The following MUC17 variants were observed in gnomAD, a reference collection of about 807,000 sequenced individuals.
MUC17 encodes mucin-17.
A neutral mutation model predicts 170.3 loss-of-function variants in MUC17; 190 were observed. That is an observed-to-expected ratio of 1.12 (90% CI 0.99 to 1.26). The LOEUF is 1.26. Ranked by LOEUF, MUC17 falls within the 50% of genes most tolerant of loss-of-function variation. The pLI is 0.00. For missense variants in MUC17, 6,415 were observed against 5,530.0 expected (o/e 1.16, Z -5.08); for synonymous variants, 2,325 against 2,002.5 (o/e 1.16, Z -4.30).
At chr7:101,048,208 G>C (rs1304065419) in intron 4 of MUC17, 93 bp downstream of exon 4, 2 of 1,274,118 alleles carry the variant, frequency 1.6e-6, no homozygotes, top group Non-Finnish European at 2.1e-6. Flanking sequence ...TGTGAGGCCA[G>C]GAATAGGGCC....
rs747277893 is a variant in MUC17, at chr7:101,043,158, A to C, written c.11742A>C (p.Ser3914=). 1.2e-6 allele frequency: 2 copies of C among 1,613,992 alleles called. No individual in the cohort carries two copies. The highest frequency in any genetic ancestry group is 1.7e-6 in the Non-Finnish European group (2 of 1,180,010). ...TTFTPSTDTA[S]TPTIPVATTI... is the part of the protein sequence containing the mutation. ...TTACCCCTTCTACTGACACTGCCTC[A>C]ACTCCCACAATTCCTGTAGCCACCA... The change falls in exon 3 of 13, where the codon TCA becomes TCC. Residue 3914 remains serine (S), a synonymous_variant. Coordinates refer to ENST00000306151, the MANE Select transcript of MUC17 (RefSeq NM_001040105.2).
Position 101,050,563 on chromosome 7 carries a change from G to A in MUC17, c.12802G>A (p.Ala4268Thr). 6.2e-7 allele frequency: 1 copy of A among 1,614,180 alleles called. No individual in the cohort carries two copies. The highest frequency in any genetic ancestry group is 8.5e-7 in the Non-Finnish European group (1 of 1,180,024). The change falls in exon 7 of 13, where the codon GCC (alanine) becomes ACC (threonine). Residue 4268 changes from alanine (A) to threonine (T), a missense_variant. Physicochemically the swap from Ala to Thr is moderately conservative, Grantham distance 58 (BLOSUM62 0). Transcript: ENST00000306151. The stretch of plus-strand genomic sequence containing the variant: ...AGAATACAAGACAGTATTGGACAAT[G>A]CCACCGAAGTAGTGAAAGAGAAAAT... ...TPEYKTVLDN[A>T]TEVVKEKITK...
Position 101,035,430 on chromosome 7 carries a change from T to G in MUC17, c.4014T>G (p.Pro1338=), listed in dbSNP as rs575189452. ...CAACTTATAGTGAAGGAAGAACTCC[T>G]TTAACAAGTATACCTGTCAACACCA... ...PTSTYSEGRT[P]LTSIPVNTTL... Residue 1338 remains proline, a synonymous_variant, in exon 3 of 13, where the codon CCT becomes CCG. Transcript: ENST00000306151. 3 of 1,601,236 alleles carry G rather than the reference T, an allele frequency of 1.9e-6. No individual in the cohort carries two copies. Among genetic ancestry groups the G allele is most frequent in the Non-Finnish European group, 2.6e-6 (3 of 1,172,390 alleles).
chr7:101,057,590 A>G (rs1795069980), intron 12 of MUC17, among the ~76,000 whole-genome samples: 1 of 152,150 alleles, frequency 6.6e-6, no homozygotes, highest in Non-Finnish European at 1.5e-5. Flanking sequence ...AAAAGAAATA[A>G]TAATCATAGC....
In MUC17 at chr7:101,036,214, T is replaced by G. The variant is rs553712832; in HGVS notation, c.4798T>G (p.Ser1600Ala). 1 of 1,613,362 alleles carries G rather than the reference T, an allele frequency of 6.2e-7. No individual in the cohort carries two copies. Among genetic ancestry groups the G allele is most frequent in the South Asian group, 1.1e-5 (1 of 91,052 alleles). The part of the protein sequence containing the change: ...ANTLSTTPID[S>A]KTQVTASTEA... ...CACCCTTTCAACAACCCCTATTGAC[T>G]CCAAAACTCAGGTGACCGCTTCTAC... is the stretch of plus-strand genomic sequence containing the variant. The change falls in exon 3 of 13, where the codon TCC becomes GCC. Residue 1600 changes from serine to alanine, a missense_variant. Physicochemically the swap from Ser to Ala is moderately conservative, Grantham distance 99. Transcript: ENST00000306151.
At chr7:101,052,044 C>T in intron 9 of MUC17, 82 bp downstream of exon 9, 1 of 1,498,348 alleles carries the variant, frequency 6.7e-7, no homozygotes, top group Non-Finnish European at 9.1e-7. Context: ...CCAGGCATTG[C>T]CTGGAGACCA....
In MUC17 at chr7:101,040,666, A is replaced by G; in HGVS notation, c.9250A>G (p.Ser3084Gly). The change falls in exon 3 of 13, where the codon AGT becomes GGT. Residue 3084 changes from serine to glycine, a missense_variant. Ser to Gly is a moderately conservative substitution (Grantham distance 56, BLOSUM62 0). Coordinates refer to ENST00000306151, the MANE Select transcript of MUC17 (RefSeq NM_001040105.2). ...NSPVVTSTEV[S>G]SSPTPAEGTS... ...TCCTGTGGTCACTTCTACTGAAGTC[A>G]GTTCATCTCCTACACCTGCTGAAGG... is the stretch of plus-strand genomic sequence containing the variant. 1 of 1,612,898 alleles carries G rather than the reference A, an allele frequency of 6.2e-7. No homozygotes were observed. The highest frequency in any genetic ancestry group is 8.5e-7 in the Non-Finnish European group (1 of 1,179,510).
rs775342926 is a variant in MUC17 at position 101,035,638 on chromosome 7, G to A, written c.4222G>A (p.Val1408Ile). The change falls in exon 3 of 13, where the codon GTA (valine) becomes ATA (isoleucine). Residue 1408 changes from valine to isoleucine, a missense_variant. Val to Ile is a conservative substitution (Grantham distance 29). Transcript: ENST00000306151. ...AAGTATACCTGTCAGCACCACGCCG[G>A]TAGTCAGTTCTGAGGCTAGCACCCT... ...LTSIPVSTTPVVSSEASTLSA... is the reference protein window; with the variant it reads ...LTSIPVSTTPIVSSEASTLSA... The A allele has an allele frequency of 8.1e-6, 13 of 1,612,442 alleles. No individual in the cohort carries two copies. The South Asian group carries it at 1.4e-4, about 18-fold the overall frequency.
At chr7:101,030,749 T>C (rs1461061505) in intron 1 of MUC17, among the ~76,000 whole-genome samples, 1 of 152,020 alleles carries the variant, frequency 6.6e-6, no homozygotes, top group Admixed American at 6.6e-5. Context: ...TTATAAAATT[T>C]TGTAGAGACA....
In MUC17 at chr7:101,037,686, C is replaced by T. The variant is rs1794534308; in HGVS notation, c.6270C>T (p.Ser2090=). 6.2e-7 allele frequency: 1 copy of T among 1,613,270 alleles called. No homozygotes were observed. The highest frequency in any genetic ancestry group is 8.5e-7 in the Non-Finnish European group (1 of 1,179,844). ...EASSSATAEG[S]SMTISAPSEG... is the part of the protein sequence containing the mutation. ...GTTCATCTGCAACCGCTGAAGGTAGCAGCATGACAATCTCAGCTCCTAGTG... is the reference window on the plus strand; with the variant it reads ...GTTCATCTGCAACCGCTGAAGGTAGTAGCATGACAATCTCAGCTCCTAGTG... The change falls in exon 3 of 13, where the codon AGC becomes AGT. Residue 2090 remains serine (S), a synonymous_variant. Coordinates refer to ENST00000306151, the MANE Select transcript of MUC17 (RefSeq NM_001040105.2).
At chr7:101,024,593 G>A (rs1277731777) in intron 1 of MUC17, among the ~76,000 whole-genome samples, 2 of 152,000 alleles carry the variant, frequency 1.3e-5, no homozygotes, top group African/African-American at 4.8e-5. Context: ...CCAACCCATT[G>A]CCCTAACCTT....
rs1794470709 is a variant in MUC17 at position 101,036,157 on chromosome 7, A to G, written c.4741A>G (p.Ser1581Gly). 1 of 1,614,092 alleles carries G rather than the reference A, an allele frequency of 6.2e-7. No individual in the cohort carries two copies. Among genetic ancestry groups the G allele is most frequent in the Middle Eastern group, 1.6e-4 (1 of 6,062 alleles). Residue 1581 changes from serine (S) to glycine (G), a missense_variant, in exon 3 of 13, where the codon AGC becomes GGC. Transcript: ENST00000306151. Reference protein sequence around the residue: ...GSTPLTSLPVSTMLVVSSEAN... With the variant: ...GSTPLTSLPVGTMLVVSSEAN... ...CACTCCACTAACAAGTTTGCCTGTC[A>G]GCACCATGCTGGTGGTCAGTTCTGA...
At chr7:101,024,969 C>T (rs1794155168) in intron 1 of MUC17, among the ~76,000 whole-genome samples, 1 of 151,948 alleles carries the variant, frequency 6.6e-6, no homozygotes, top group Non-Finnish European at 1.5e-5. Flanking sequence ...GCCACCAGCA[C>T]CCCACTTGAG....
rs368632511 is a variant in MUC17 at position 101,039,045 on chromosome 7, C to T, written c.7629C>T (p.Asn2543=). 1.1e-5 allele frequency: 17 copies of T among 1,612,498 alleles called. No homozygotes were observed. The highest frequency in any genetic ancestry group is 1.4e-5 in the Non-Finnish European group (17 of 1,179,606). ...STLSTTPVDS[N]SPVVTSTEIS... ...TTTCAACAACTCCTGTTGACTCCAACAGTCCTGTGGTCACTTCTACTGAAA... is the reference window on the plus strand; with the variant it reads ...TTTCAACAACTCCTGTTGACTCCAATAGTCCTGTGGTCACTTCTACTGAAA... Residue 2543 remains asparagine (N), a synonymous_variant, in exon 3 of 13, where the codon AAC becomes AAT. Transcript: ENST00000306151.
chr7:101,050,323 A>C (rs1418893048), intron 6 of MUC17, among the ~76,000 whole-genome samples, 161 bp from the exon 7 acceptor site: 1 of 151,944 alleles, frequency 6.6e-6, no homozygotes, highest in Non-Finnish European at 1.5e-5. Context: ...CATCACCCCA[A>C]ACTGTCCTGC....
At position 101,042,835 on chromosome 7, in the gene MUC17, T is replaced by G. The variant is rs745844739; in HGVS notation, c.11419T>G (p.Ser3807Ala). The G allele has an allele frequency of 1.2e-6, 2 of 1,614,194 alleles. No individual in the cohort carries two copies. Among genetic ancestry groups the G allele is most frequent in the Admixed American group, 3.3e-5 (2 of 60,024 alleles). Residue 3807 changes from serine (S) to alanine (A), a missense_variant, in exon 3 of 13, where the codon TCA (serine) becomes GCA (alanine). Transcript: ENST00000306151. ...TLEGTTTMPM[S>A]TTSERSTLLT... Reference sequence around the variant, plus strand: ...TGAAGGCACCACCACCATGCCTATGTCAACTACGAGTGAAAGAAGCACTTT... The same window carrying G: ...TGAAGGCACCACCACCATGCCTATGGCAACTACGAGTGAAAGAAGCACTTT...
Sources: gnomAD v4.1 joint callset for allele counts (sites outside exome capture counted in the v4.1 genomes callset) on GRCh38, gnomAD v4.1.1 for gene constraint, MANE v1.5 for transcripts, NCBI Gene and HGNC (gene_info 2026-07-23, HGNC 2026-07-21) for gene names.